HRH1: variants seen among roughly 807,000 people sequenced by gnomAD.
The protein encoded by HRH1 is histamine receptor H1.
In HRH1, 6 loss-of-function variants were observed where a neutral mutation model predicts 10.3. That is an observed-to-expected ratio of 0.58 (90% confidence interval 0.32 to 1.15). The LOEUF is 1.15. Among genes scored for constraint, HRH1 ranks in the 50% most tolerant of loss-of-function variants. The pLI is 0.05. For synonymous variants in HRH1, 242 were observed against 236.7 expected, an observed-to-expected ratio of 1.02 and a Z score of -0.21; for missense variants, 514 against 615.3, an observed-to-expected ratio of 0.84 and a Z score of 1.74.
intron 1 of HRH1, among the ~76,000 whole-genome samples, chr3:11,158,709 A>G (rs1936867709): frequency 6.6e-6 from 1 of 152,192 alleles, no homozygotes; most frequent in African/African-American, 2.4e-5. Flanking sequence ...TTTTGATAGA[A>G]AAATTCATGT....
intron 1 of HRH1, among the ~76,000 whole-genome samples, chr3:11,239,398 G>C (rs1000047411): frequency 2.0e-5 from 3 of 152,088 alleles, no homozygotes; most frequent in Admixed American, 6.5e-5. Context: ...TGTTCTTTGT[G>C]TATTTTGGAT....
intron 1 of HRH1, among the ~76,000 whole-genome samples, chr3:11,202,434 A>ATAAATAATTAAT (rs1314713595): frequency 6.1e-5 from 9 of 148,338 alleles, no homozygotes; most frequent in African/African-American, 2.0e-4. Context: ...AAATAAATAA[A>ATAAATAATTAAT]TAATTAATTA....
intron 1 of HRH1, among the ~76,000 whole-genome samples, chr3:11,167,634 A>T (rs966030740): frequency 6.6e-6 from 1 of 152,264 alleles, no homozygotes; most frequent in African/African-American, 2.4e-5. Context: ...AGCGCAATCA[A>T]TTGGTACCTC....
chr3:11,207,309 A>C (rs1279521203), intron 1 of HRH1, among the ~76,000 whole-genome samples: 1 of 152,058 alleles, frequency 6.6e-6, no homozygotes, highest in Non-Finnish European at 1.5e-5. Flanking sequence ...CCACGCCTGT[A>C]ATCCTAGCAC....
intron 1 of HRH1, among the ~76,000 whole-genome samples, chr3:11,201,800 A>G (rs1370198626): frequency 1.3e-5 from 2 of 152,194 alleles, no homozygotes; most frequent in Non-Finnish European, 1.5e-5. Flanking sequence ...CCAGCTGGGA[A>G]AAATAAAAGC....
intron 1 of HRH1, among the ~76,000 whole-genome samples, chr3:11,235,607 G>A (rs536918760): frequency 6.6e-6 from 1 of 152,322 alleles, no homozygotes; most frequent in Admixed American, 6.5e-5. Context: ...ATGGGGGTGG[G>A]TGCAGGGCTT....
intron 1 of HRH1, among the ~76,000 whole-genome samples, chr3:11,189,497 T>G (rs999113888): frequency 6.6e-6 from 1 of 152,220 alleles, no homozygotes; most frequent in Non-Finnish European, 1.5e-5. Context: ...CATCTGTGGA[T>G]GTAACAAGTT....
At chr3:11,234,707 C>G (rs1264584342) in intron 1 of HRH1, 1 of 1,007,284 alleles carries the variant, frequency 9.9e-7, no homozygotes, top group Non-Finnish European at 1.6e-6. Context: ...TGAGACCTTG[C>G]AGAAGTGGCG....
At chr3:11,247,377 A>G (rs554134222) in intron 1 of HRH1, among the ~76,000 whole-genome samples, 9 of 152,284 alleles carry the variant, frequency 5.9e-5, no homozygotes, top group Middle Eastern at 3.4e-3. Context: ...TCGCAAGAGC[A>G]CACTGAGCAG....
intron 1 of HRH1, among the ~76,000 whole-genome samples, chr3:11,179,575 A>C (rs956272553): frequency 2.0e-5 from 3 of 148,972 alleles, no homozygotes; most frequent in African/African-American, 7.4e-5. Flanking sequence ...AGCTGAGATT[A>C]CGCCACTGCA....
At chr3:11,146,039 G>C (rs536863441) in intron 1 of HRH1, among the ~76,000 whole-genome samples, 8 of 152,220 alleles carry the variant, frequency 5.3e-5, no homozygotes, top group African/African-American at 1.7e-4. Flanking sequence ...AGTCTTTTGT[G>C]GGTATATATT....
chr3:11,218,972 C>T lies in HRH1; in HGVS notation c.-35-40031C>T, dbSNP rs182346318. Reference sequence around the variant, plus strand: ...GTGGCGTGATCTCGGCTCACTGCAACCTCCACCTCCTAGGTTCAAGCAATT... The same window carrying T: ...GTGGCGTGATCTCGGCTCACTGCAATCTCCACCTCCTAGGTTCAAGCAATT... On this transcript the variant is annotated intron_variant, in intron 1 of 1. Transcript: ENST00000431010. Among the ~76,000 whole-genome samples, 139 of 152,260 alleles carry T rather than the reference C, an allele frequency of 9.1e-4. 1 individual carries two copies. Among genetic ancestry groups the T allele is most frequent in the Admixed American group, 2.2e-3 (34 of 15,302 alleles).
chr3:11,164,057 TTGAATGAATGAA>T (rs60430122), intron 1 of HRH1, among the ~76,000 whole-genome samples: 1 of 151,992 alleles, frequency 6.6e-6, no homozygotes, highest in African/African-American at 2.4e-5. Flanking sequence ...GAGATACTTG[TTGAATGAATGAA>T]TGAATGAATG....
intron 1 of HRH1, among the ~76,000 whole-genome samples, chr3:11,141,161 G>A (rs1559248723): frequency 6.6e-6 from 1 of 152,056 alleles, no homozygotes; most frequent in Non-Finnish European, 1.5e-5. Flanking sequence ...AATCCTTAAG[G>A]TCAGGGACTC....
chr3:11,254,728 T>C (rs1939740781), intron 1 of HRH1, among the ~76,000 whole-genome samples: 2 of 152,128 alleles, frequency 1.3e-5, no homozygotes, highest in African/African-American at 4.8e-5. Flanking sequence ...CCAAGTTTGT[T>C]AGAAACAAGT....
intron 1 of HRH1, among the ~76,000 whole-genome samples, chr3:11,201,081 G>A (rs536656318): frequency 1.3e-5 from 2 of 152,300 alleles, no homozygotes; most frequent in South Asian, 4.1e-4. Context: ...ATCTATCAGT[G>A]GATTCGCTAG....
chr3:11,235,670 C>A (rs1247956554), intron 1 of HRH1, among the ~76,000 whole-genome samples: 2 of 152,136 alleles, frequency 1.3e-5, no homozygotes, highest in Non-Finnish European at 2.9e-5. Context: ...ATGGCGGGGA[C>A]GCCACCCCAG....
intron 1 of HRH1, among the ~76,000 whole-genome samples, chr3:11,242,172 C>T (rs140622822): frequency 5.9e-5 from 9 of 152,160 alleles, no homozygotes; most frequent in Non-Finnish European, 8.8e-5. Context: ...TCTTTGGGTC[C>T]TTGCCATCTT....
At chr3:11,204,644 G>A (rs1938049914) in intron 1 of HRH1, among the ~76,000 whole-genome samples, 1 of 152,196 alleles carries the variant, frequency 6.6e-6, no homozygotes, top group Non-Finnish European at 1.5e-5. Flanking sequence ...CAAACTACGT[G>A]TTAGGTGCTT....
Sources: allele counts gnomAD v4.1 joint callset (sites outside exome capture counted in the v4.1 genomes callset), GRCh38; gene constraint gnomAD v4.1.1; transcripts MANE v1.5; gene names NCBI Gene and HGNC (gene_info 2026-07-23, HGNC 2026-07-21).